The following UCKL1 variants were observed in gnomAD, a reference collection of about 807,000 sequenced individuals.
The protein encoded by UCKL1 is uridine-cytidine kinase-like 1.
In UCKL1, 65 loss-of-function variants were observed where a neutral mutation model predicts 59.2. The observed-to-expected ratio is 1.10, with a 90% CI of 0.90 to 1.35. The LOEUF (loss-of-function observed/expected upper bound fraction) is 1.35, where lower values mean the gene tolerates loss of function less well. UCKL1 is among the 40% of genes most tolerant of loss of function. UCKL1 has a pLI of 0.00. For missense variants in UCKL1, 703 were observed against 784.3 expected, an observed-to-expected ratio of 0.90 and a Z score of 1.24; for synonymous variants, 410 against 323.1, an observed-to-expected ratio of 1.27 and a Z score of -2.88.
intron 8 of UCKL1, among the ~76,000 whole-genome samples, 153 bp downstream of exon 8, chr20:63,943,500 G>C (rs2055242487): frequency 6.6e-6 from 1 of 152,242 alleles, no homozygotes; most frequent in Non-Finnish European, 1.5e-5. Context: ...CTGCCAGCAA[G>C]GGGAGGCAGA....
intron 2 of UCKL1, 68 bp from the exon 3 acceptor site, chr20:63,946,335 T>C: frequency 6.5e-7 from 1 of 1,536,074 alleles, no homozygotes; most frequent in Non-Finnish European, 8.8e-7. Context: ...GTCCCAGAGG[T>C]GCCCATCCCG....
rs371500244 is a variant in UCKL1, at chr20:63,941,116, A to G, written c.1016T>C (p.Ile339Thr). The change falls in exon 9 of 15, where the codon ATC (isoleucine) becomes ACC (threonine). Residue 339 changes from isoleucine to threonine, a missense_variant. Physicochemically the swap from Ile to Thr is moderately conservative, Grantham distance 89. Transcript: ENST00000354216. ...STPQVRGMHT[I>T]IRDKETSRDE... ...TCCCCAGGTGGGCCCTCACCTGATGATGGTGTGCATGCCCCGTACCTGCGG... is the reference window on the plus strand; with the variant it reads ...TCCCCAGGTGGGCCCTCACCTGATGGTGGTGTGCATGCCCCGTACCTGCGG... 161 of 1,598,380 alleles carry G rather than the reference A, an allele frequency of 1.0e-4. No individual in the cohort carries two copies. Among genetic ancestry groups the G allele is most frequent in the Non-Finnish European group, 1.3e-4 (156 of 1,175,114 alleles).
intron 1 of UCKL1, chr20:63,951,282 C>A (rs1257658540): frequency 8.3e-6 from 7 of 848,298 alleles, no homozygotes; most frequent in African/African-American, 1.8e-5. Context: ...TGAACTGCCC[C>A]CTCCTGTGTG....
At chr20:63,949,710 G>C (rs1268678372) in intron 1 of UCKL1, among the ~76,000 whole-genome samples, 2 of 152,198 alleles carry the variant, frequency 1.3e-5, no homozygotes, top group African/African-American at 4.8e-5. Flanking sequence ...CCTAACCCCA[G>C]CATCTGCAGG....
chr20:63,941,384 T>A, intron 8 of UCKL1, 176 bp from the exon 9 acceptor site: 1 of 990,166 alleles, frequency 1.0e-6, no homozygotes, highest in South Asian at 1.6e-5. Flanking sequence ...TCGCCCTACC[T>A]GAGCTGTCAG....
Position 63,944,570 on chromosome 20 carries a change from G to A in UCKL1, c.819C>T (p.Arg273=), listed in dbSNP as rs769953624. Residue 273 remains arginine (R), a synonymous_variant, in exon 6 of 15, where the codon CGC becomes CGT. Transcript: ENST00000354216. The part of the protein sequence containing the change: ...SFDQYIQPTM[R]LADIVVPRGS... ...CTCTGGGGACCACGATGTCTGCCAG[G>A]CGCATGGTGGGCTGGATGTACTGGT... 1.9e-6 allele frequency: 3 copies of A among 1,612,244 alleles called. No homozygotes were observed. In the South Asian group the frequency reaches 3.3e-5, roughly 18 times the overall value.
intron 1 of UCKL1, chr20:63,956,044 G>A (rs1601435723): frequency 2.3e-6 from 1 of 435,456 alleles, no homozygotes; most frequent in East Asian, 3.9e-5. Flanking sequence ...CCTTCCCCGA[G>A]CCCCGAGGAG....
chr20:63,944,311 G>A (rs1569062457), intron 7 of UCKL1, 86 bp downstream of exon 7: 4 of 1,345,020 alleles, frequency 3.0e-6, no homozygotes, highest in Admixed American at 2.2e-5. Context: ...GGGGGATGAG[G>A]TGACCAGGCC....
intron 10 of UCKL1, 43 bp downstream of exon 10, chr20:63,940,907 C>T: frequency 1.3e-6 from 2 of 1,521,908 alleles, no homozygotes; most frequent in East Asian, 2.3e-5. Context: ...CTCGCACCGG[C>T]TCCAAGACCC....
Position 63,940,636 on chromosome 20 carries a change from G to A in UCKL1, c.1260C>T (p.Gly420=). 1 of 1,610,184 alleles carries A rather than the reference G, an allele frequency of 6.2e-7. No homozygotes were observed. The highest frequency in any genetic ancestry group is 8.5e-7 in the Non-Finnish European group (1 of 1,179,610). Residue 420 remains glycine (G), a synonymous_variant, in exon 12 of 15, where the codon GGC becomes GGT. Transcript: ENST00000354216. ...LRAVCKDVRI[G]TILIQTNQLT... Reference sequence around the variant, plus strand: ...GCTGGTTGGTCTGGATGAGGATGGTGCCGATGCGCACGTCTTTGCACACAG... The same window carrying A: ...GCTGGTTGGTCTGGATGAGGATGGTACCGATGCGCACGTCTTTGCACACAG...
intron 7 of UCKL1, 110 bp from the exon 8 acceptor site, chr20:63,943,779 C>T: frequency 6.6e-7 from 1 of 1,505,504 alleles, no homozygotes; most frequent in Non-Finnish European, 9.1e-7. Context: ...CCCGCGGGGA[C>T]ACAGCCAGCC....
chr20:63,946,661 C>G lies in UCKL1; in HGVS notation c.114-18G>C, dbSNP rs753563706. On this transcript the variant is annotated intron_variant, in intron 1 of 14. Coordinates refer to ENST00000354216, the MANE Select transcript of UCKL1 (RefSeq NM_017859.4). The stretch of plus-strand genomic sequence containing the variant: ...CATTGCTGCTGCAGAGAGGGATGTA[C>G]TCGGATGTGGCCCAGAGCTGCCCAC... 1 of 1,602,106 alleles carries G rather than the reference C, an allele frequency of 6.2e-7. No homozygotes were observed. Among genetic ancestry groups the G allele is most frequent in the African/African-American group, 1.3e-5 (1 of 74,856 alleles).
intron 8 of UCKL1, chr20:63,942,421 G>T (rs898741956): frequency 8.5e-7 from 1 of 1,173,700 alleles, no homozygotes; most frequent in Non-Finnish European, 1.1e-6. Flanking sequence ...GGGGCAAGGG[G>T]CTACGGGAAG....
In UCKL1 at chr20:63,946,283, G is replaced by A; in HGVS notation, c.305-16C>T. The A allele has an allele frequency of 1.9e-6, 3 of 1,571,952 alleles. No homozygotes were observed. The highest frequency in any genetic ancestry group is 2.6e-6 in the Non-Finnish European group (3 of 1,159,396). ...CCTCCCAAGCCTGCCGGCGGGAGTG[G>A]AGACCCTCTGTGAGGAACAGGCAGG... On this transcript the variant is annotated splice_polypyrimidine_tract_variant and intron_variant, in intron 2 of 14. Coordinates refer to ENST00000354216, the MANE Select transcript of UCKL1 (RefSeq NM_017859.4).
chr20:63,941,651 G>A (rs1600983314), intron 8 of UCKL1: 1 of 220,812 alleles, frequency 4.5e-6, no homozygotes, highest in South Asian at 5.9e-5. Flanking sequence ...CCCCGAGGTG[G>A]TGCGCGGCCC....
chr20:63,952,024 C>T (rs1247089638), intron 1 of UCKL1, among the ~76,000 whole-genome samples: 1 of 152,212 alleles, frequency 6.6e-6, no homozygotes, highest in African/African-American at 2.4e-5. Context: ...GGAGGTCATA[C>T]TCCTCAATAG....
chr20:63,942,502 TGAA>T (rs2054859576), intron 8 of UCKL1: 10 of 1,174,226 alleles, frequency 8.5e-6, no homozygotes, highest in Non-Finnish European at 1.1e-5. Flanking sequence ...GCTTGCCAGG[TGAA>T]GAGCATGTTC....
intron 1 of UCKL1, chr20:63,955,407 C>G (rs1361923698): frequency 6.6e-6 from 1 of 152,258 alleles, no homozygotes. Flanking sequence ...CTCAGCAGCT[C>G]CTGGAGAGGA....
intron 1 of UCKL1, chr20:63,948,590 A>AGGGAGGGGCGTGTGTGAGG (rs2056934686): frequency 2.1e-5 from 2 of 96,084 alleles, no homozygotes; most frequent in African/African-American, 8.0e-5. Flanking sequence ...TGTGTGTGAG[A>AGGGAGGGGCGTGTGTGAGG]GGGAGGGGGC....
Sources: allele counts gnomAD v4.1 joint callset (sites outside exome capture counted in the v4.1 genomes callset), GRCh38; gene constraint gnomAD v4.1.1; transcripts MANE v1.5; gene names NCBI Gene and HGNC (gene_info 2026-07-23, HGNC 2026-07-21).